Variants in EFCAB5 observed in about 807,000 individuals in gnomAD.
EFCAB5 encodes EF-hand calcium-binding domain-containing protein 5.
A neutral mutation model predicts 167.9 loss-of-function variants in EFCAB5; 131 were observed. That is an observed-to-expected ratio of 0.78 (90% CI 0.68 to 0.90). The LOEUF is 0.90. Among genes scored for constraint, EFCAB5 ranks in the 40% least tolerant of loss-of-function variants. The pLI, the probability that EFCAB5 is intolerant of heterozygous loss-of-function variation, is 0.00. For synonymous variants in EFCAB5, 574 were observed against 602.8 expected (o/e 0.95, Z 0.70); for missense variants, 1,663 against 1,745.2 (o/e 0.95, Z 0.84).
chr17:29,998,165 G>GTCCTTCTACCTGTTCTCACATTTTT (rs2068586977), intron 6 of EFCAB5, among the ~76,000 whole-genome samples: 2 of 152,076 alleles, frequency 1.3e-5, no homozygotes, highest in Admixed American at 1.3e-4. Context: ...ATAACCTTTT[G>GTCCTTCTACCTGTTCTCACATTTTT]TCCTTCTACC....
Position 30,059,547 on chromosome 17 carries a change from T to G in EFCAB5, c.2583T>G (p.Phe861Leu). 6.2e-7 allele frequency: 1 copy of G among 1,603,148 alleles called. No homozygotes were observed. Among genetic ancestry groups the G allele is most frequent in the Non-Finnish European group, 8.5e-7 (1 of 1,174,488 alleles). The change falls in exon 14 of 23, where the codon TTT becomes TTG. Residue 861 changes from phenylalanine to leucine, a missense_variant and splice_region_variant. Transcript: ENST00000394835. ...TTATTATCCTGTTTGTATCCTAGTT[T>G]AGCCAAAATGCTTTCCAAGTCCGAC... Reference protein sequence around the residue: ...EQEKMNALEQFSQNAFQVRQR... With the variant: ...EQEKMNALEQLSQNAFQVRQR...
chr17:30,103,754 C>T (rs2071409989), intron 22 of EFCAB5, among the ~76,000 whole-genome samples: 1 of 152,196 alleles, frequency 6.6e-6, no homozygotes, highest in Admixed American at 6.5e-5. Flanking sequence ...GTGGCTCACA[C>T]CTGTAATCCC....
chr17:30,025,414 A>G (rs2069291371), intron 7 of EFCAB5, among the ~76,000 whole-genome samples: 1 of 152,198 alleles, frequency 6.6e-6, no homozygotes, highest in South Asian at 2.1e-4. Context: ...AGACACATGA[A>G]AAAATGCTCA....
chr17:29,960,413 C>A (rs140188576), intron 3 of EFCAB5, among the ~76,000 whole-genome samples: 5 of 152,218 alleles, frequency 3.3e-5, no homozygotes, highest in Admixed American at 3.3e-4. Context: ...TCTTGCTCTG[C>A]CTCTCTCAAA....
chr17:30,035,346 G>A (rs551846447), intron 8 of EFCAB5, among the ~76,000 whole-genome samples: 1 of 152,298 alleles, frequency 6.6e-6, no homozygotes, highest in South Asian at 2.1e-4. Flanking sequence ...AATATTTAGA[G>A]CAATTAATTG....
chr17:30,036,849 G>A (rs763614438), intron 8 of EFCAB5, among the ~76,000 whole-genome samples: 2 of 152,188 alleles, frequency 1.3e-5, no homozygotes, highest in African/African-American at 4.8e-5. Flanking sequence ...TGCAAAATAT[G>A]GCATCAAAGC....
chr17:29,984,175 AAC>A (rs2068234003), intron 4 of EFCAB5, among the ~76,000 whole-genome samples: 1 of 151,856 alleles, frequency 6.6e-6, no homozygotes, highest in Non-Finnish European at 1.5e-5. Flanking sequence ...CTGGGTGAAA[AAC>A]ACAGATACAG....
chr17:29,957,312 A>AT (rs1052614667), intron 3 of EFCAB5, among the ~76,000 whole-genome samples: 61 of 151,524 alleles, frequency 4.0e-4, no homozygotes, highest in South Asian at 3.1e-3. Context: ...ATGATGAGGG[A>AT]TTTTTTTTTA....
chr17:30,074,859 A>G (rs2070837066), intron 14 of EFCAB5, among the ~76,000 whole-genome samples: 1 of 152,026 alleles, frequency 6.6e-6, no homozygotes, highest in Non-Finnish European at 1.5e-5. Flanking sequence ...CATCTCCCCA[A>G]GCCAGCATCT....
chr17:29,976,372 C>T (rs2068063979), intron 4 of EFCAB5, among the ~76,000 whole-genome samples: 1 of 152,118 alleles, frequency 6.6e-6, no homozygotes, highest in Admixed American at 6.6e-5. Flanking sequence ...GCAGGAATTT[C>T]ATGAAATAAT....
intron 1 of EFCAB5, chr17:29,929,905 A>C (rs1195968871): frequency 6.4e-7 from 1 of 1,561,932 alleles, no homozygotes; most frequent in South Asian, 1.2e-5. Flanking sequence ...GCAGTGACAG[A>C]AGCAAGCGGA....
Position 29,993,217 on chromosome 17 carries a change from A to T in EFCAB5, c.820A>T (p.Ile274Leu). ...ACAGAATAGAAAACAAAGAGAAAGCATAGACAAAATCATAGTCAAGGTGGC... is the reference window on the plus strand; with the variant it reads ...ACAGAATAGAAAACAAAGAGAAAGCTTAGACAAAATCATAGTCAAGGTGGC... ...VKQNRKQRES[I>L]DKIIVKVANT... The change falls in exon 5 of 23, where the codon ATA becomes TTA. Residue 274 changes from isoleucine (I) to leucine (L), a missense_variant. Coordinates refer to ENST00000394835, the MANE Select transcript of EFCAB5 (RefSeq NM_198529.4). 1.9e-6 allele frequency: 3 copies of T among 1,613,780 alleles called. No individual in the cohort carries two copies. Among genetic ancestry groups the T allele is most frequent in the South Asian group, 1.1e-5 (1 of 90,992 alleles).
At chr17:30,092,980 A>C in intron 22 of EFCAB5, 44 bp downstream of exon 22, 1 of 1,450,302 alleles carries the variant, frequency 6.9e-7, no homozygotes, top group Non-Finnish European at 9.4e-7. Context: ...GCCAACAGCA[A>C]TAAAACACAG....
intron 22 of EFCAB5, among the ~76,000 whole-genome samples, chr17:30,104,699 G>A (rs1036845194): frequency 6.6e-6 from 1 of 152,100 alleles, no homozygotes; most frequent in Non-Finnish European, 1.5e-5. Flanking sequence ...GCACTCAACC[G>A]TTAATAGGGA....
At chr17:29,977,464 A>G (rs1021360618) in intron 4 of EFCAB5, among the ~76,000 whole-genome samples, 1 of 152,180 alleles carries the variant, frequency 6.6e-6, no homozygotes, top group Non-Finnish European at 1.5e-5. Context: ...ATAATAACCT[A>G]GAATGAGTTC....
At chr17:30,010,814 A>G (rs1014485765) in intron 7 of EFCAB5, among the ~76,000 whole-genome samples, 8 of 152,002 alleles carry the variant, frequency 5.3e-5, no homozygotes, top group Non-Finnish European at 1.2e-4. Context: ...GTTTAATTAG[A>G]TCCCATTTGT....
intron 6 of EFCAB5, among the ~76,000 whole-genome samples, chr17:29,998,572 C>T (rs373661294): frequency 7.2e-5 from 11 of 152,140 alleles, no homozygotes; most frequent in Non-Finnish European, 2.9e-5. Context: ...CTGCTAGAAA[C>T]GTCTGGTTTG....
At chr17:30,048,661 T>A (rs970081915) in intron 8 of EFCAB5, among the ~76,000 whole-genome samples, 1 of 152,074 alleles carries the variant, frequency 6.6e-6, no homozygotes, top group Non-Finnish European at 1.5e-5. Context: ...CTAATTTTTA[T>A]ATTTTTAGTA....
At chr17:29,982,914 A>G (rs557579515) in intron 4 of EFCAB5, among the ~76,000 whole-genome samples, 1 of 152,196 alleles carries the variant, frequency 6.6e-6, no homozygotes, top group South Asian at 2.1e-4. Flanking sequence ...TTTTACTTCT[A>G]CTCTTTAATC....
Sources: gnomAD v4.1 joint callset for allele counts (sites outside exome capture counted in the v4.1 genomes callset) on GRCh38, gnomAD v4.1.1 for gene constraint, MANE v1.5 for transcripts, NCBI Gene and HGNC (gene_info 2026-07-23, HGNC 2026-07-21) for gene names.